Variants in CSMD1 observed in about 807,000 individuals in gnomAD.
The protein encoded by CSMD1 is CUB and Sushi multiple domains 1.
CSMD1 carries 213 observed loss-of-function variants against 417.5 expected under a neutral mutation model. The ratio of observed to expected loss-of-function variants is 0.51; its 90% CI spans 0.46 to 0.57. CSMD1 has a LOEUF of 0.57. Among genes scored for constraint, CSMD1 ranks in the 20% least tolerant of loss-of-function variants. The pLI is 0.00. For missense variants in CSMD1, 6,923 were observed against 4,529.7 expected (o/e 1.53, Z -15.17); for synonymous variants, 2,862 against 1,736.8 (o/e 1.65, Z -16.11).
intron 3 of CSMD1, among the ~76,000 whole-genome samples, chr8:4,256,192 G>C (rs1018987116): frequency 6.6e-6 from 1 of 152,168 alleles, no homozygotes; most frequent in East Asian, 1.9e-4. Context: ...TCATTTGTTT[G>C]TGATTTGTCC....
Position 4,447,645 on chromosome 8 carries a change from G to A in CSMD1, c.303-27580C>T, listed in dbSNP as rs73660844. On this transcript the variant is annotated intron_variant, in intron 2 of 69. Transcript: ENST00000635120. Reference sequence around the variant, plus strand: ...GCTTGTTCAAAGTCGACAGGTTTACGGAAAAGGAAGGAATGGTTTCCACAC... The same window carrying A: ...GCTTGTTCAAAGTCGACAGGTTTACAGAAAAGGAAGGAATGGTTTCCACAC... 6.6e-5 allele frequency among the ~76,000 whole-genome samples: 10 copies of A among 152,216 alleles called. No homozygotes were observed. In the East Asian group the frequency reaches 7.8e-4, roughly 12 times the overall value.
chr8:4,796,895 G>C (rs985839076), intron 1 of CSMD1, among the ~76,000 whole-genome samples: 1 of 152,154 alleles, frequency 6.6e-6, no homozygotes, highest in Non-Finnish European at 1.5e-5. Context: ...CAACTGAAAC[G>C]CTATGGACAC....
intron 50 of CSMD1, among the ~76,000 whole-genome samples, chr8:3,029,802 T>C (rs1345881468): frequency 6.6e-6 from 1 of 151,986 alleles, no homozygotes; most frequent in Non-Finnish European, 1.5e-5. Context: ...CTCATTGAAG[T>C]TGATGAAAAT....
chr8:4,246,436 C>T (rs1006072643), intron 3 of CSMD1, among the ~76,000 whole-genome samples: 1 of 152,134 alleles, frequency 6.6e-6, no homozygotes, highest in African/African-American at 2.4e-5. Context: ...AAGGGCACTC[C>T]ATTTTCTTCG....
chr8:4,837,267 A>C (rs1800549747), intron 1 of CSMD1, among the ~76,000 whole-genome samples: 1 of 143,816 alleles, frequency 7.0e-6, no homozygotes, highest in Non-Finnish European at 1.6e-5. Flanking sequence ...CAAAAAAGGA[A>C]ATCTACACAT....
At chr8:4,312,424 C>CATATATATACGCATATATATATACGT (rs1798673661) in intron 3 of CSMD1, among the ~76,000 whole-genome samples, 1 of 102,696 alleles carries the variant, frequency 9.7e-6, no homozygotes, top group African/African-American at 9.2e-5. Flanking sequence ...TATATATGCG[C>CATATATATACGCATATATATATACGT]GTATATATAT....
At chr8:4,531,140 G>C (rs766688094) in intron 2 of CSMD1, among the ~76,000 whole-genome samples, 1 of 152,150 alleles carries the variant, frequency 6.6e-6, no homozygotes, top group Non-Finnish European at 1.5e-5. Context: ...TTAACTGTGT[G>C]AGTAGGACAT....
At chr8:3,900,255 C>A (rs574988507) in intron 5 of CSMD1, among the ~76,000 whole-genome samples, 1 of 149,222 alleles carries the variant, frequency 6.7e-6, no homozygotes, top group Non-Finnish European at 1.5e-5. Context: ...AACAGGGCAG[C>A]TGGGTGACAG....
intron 2 of CSMD1, among the ~76,000 whole-genome samples, chr8:4,457,866 T>G (rs953538743): frequency 6.6e-6 from 1 of 152,076 alleles, no homozygotes; most frequent in Non-Finnish European, 1.5e-5. Context: ...GCACCTCCCC[T>G]GGGACAGCTT....
intron 5 of CSMD1, among the ~76,000 whole-genome samples, chr8:3,811,151 T>C (rs756763585): frequency 2.0e-4 from 31 of 152,194 alleles, no homozygotes; most frequent in Non-Finnish European, 4.4e-4. Flanking sequence ...TGATATTAAA[T>C]ATCCAACAGG....
At chr8:4,229,465 C>T (rs1280351272) in intron 3 of CSMD1, among the ~76,000 whole-genome samples, 1 of 152,200 alleles carries the variant, frequency 6.6e-6, no homozygotes, top group Admixed American at 6.5e-5. Context: ...CCCACAATCA[C>T]CAACAAGCAC....
intron 1 of CSMD1, among the ~76,000 whole-genome samples, chr8:4,953,494 C>T (rs1808884062): frequency 6.6e-6 from 1 of 152,120 alleles, no homozygotes; most frequent in African/African-American, 2.4e-5. Flanking sequence ...ATGAACCCAA[C>T]ATCGTCCACG....
chr8:3,090,190 G>A (rs1332838668), intron 48 of CSMD1, among the ~76,000 whole-genome samples: 1 of 151,812 alleles, frequency 6.6e-6, no homozygotes, highest in Non-Finnish European at 1.5e-5. Context: ...GGTGGCGGGC[G>A]CCTGTAGTCC....
chr8:4,387,595 G>C (rs997304043), intron 3 of CSMD1, among the ~76,000 whole-genome samples: 4 of 38,888 alleles, frequency 1.0e-4, no homozygotes, highest in African/African-American at 1.9e-4. Context: ...AAAAAAAAGA[G>C]TTGAATGTTT....
intron 5 of CSMD1, among the ~76,000 whole-genome samples, chr8:3,756,221 C>T (rs1487818465): frequency 8.6e-5 from 13 of 151,822 alleles, no homozygotes; most frequent in East Asian, 5.9e-4. Context: ...GGCATGGTGG[C>T]GGGCGCCTGT....
At chr8:3,642,556 G>T (rs1430075701) in intron 7 of CSMD1, among the ~76,000 whole-genome samples, 1 of 152,088 alleles carries the variant, frequency 6.6e-6, no homozygotes, top group Non-Finnish European at 1.5e-5. Flanking sequence ...AAGTTCCAAG[G>T]AACAGAAGTT....
At chr8:4,444,032 C>T (rs1205270272) in intron 2 of CSMD1, among the ~76,000 whole-genome samples, 1 of 152,064 alleles carries the variant, frequency 6.6e-6, no homozygotes, top group African/African-American at 2.4e-5. Flanking sequence ...AAAACACACA[C>T]TATCTTTGAG....
At position 4,578,256 on chromosome 8, in the gene CSMD1, G is replaced by A. The variant is rs1293100735; in HGVS notation, c.302+59086C>T. 4.6e-5 allele frequency among the ~76,000 whole-genome samples: 7 copies of A among 150,638 alleles called. No homozygotes were observed. The East Asian group carries it at 1.2e-3, about 25-fold the overall frequency. On this transcript the variant is annotated intron_variant, in intron 2 of 69. Coordinates refer to ENST00000635120, the MANE Select transcript of CSMD1 (RefSeq NM_033225.6). ...GCTCACTGCAAGCTCTGCCTCCCGG[G>A]TTCACGCCATTCTCCTGCCTCAGCC... is the stretch of plus-strand genomic sequence containing the variant.
chr8:4,582,624 G>A (rs781680817), intron 2 of CSMD1, among the ~76,000 whole-genome samples: 18 of 152,222 alleles, frequency 1.2e-4, no homozygotes, highest in Non-Finnish European at 1.5e-4. Flanking sequence ...GGATGCACCT[G>A]GAAATGCACC....
Sources: gnomAD v4.1 joint callset for allele counts (sites outside exome capture counted in the v4.1 genomes callset) on GRCh38, gnomAD v4.1.1 for gene constraint, MANE v1.5 for transcripts, NCBI Gene and HGNC (gene_info 2026-07-23, HGNC 2026-07-21) for gene names.